DNAJC1: variants seen among roughly 807,000 people sequenced by gnomAD.
DNAJC1 encodes DnaJ heat shock protein family (Hsp40) member C1.
In DNAJC1, 58 loss-of-function variants were observed where a neutral mutation model predicts 76.6. That is an observed-to-expected ratio of 0.76 (90% CI 0.61 to 0.94). DNAJC1 has a LOEUF of 0.94. DNAJC1 is among the 40% of genes least tolerant of loss of function. DNAJC1 has a pLI of 0.00. For missense variants in DNAJC1, 689 were observed against 677.3 expected, an observed-to-expected ratio of 1.02 and a Z score of -0.19; for synonymous variants, 258 against 267.9, an observed-to-expected ratio of 0.96 and a Z score of 0.36.
Position 21,957,137 on chromosome 10 carries a change from G to A in DNAJC1, c.223-27996C>T, listed in dbSNP as rs573257813. On this transcript the variant is annotated intron_variant, in intron 1 of 11. Transcript: ENST00000376980. ...GAACTCCTGACCTCGTGATCCACCC[G>A]CCTCGGCCTCCCAAAGTGCTGGGAT... is the stretch of plus-strand genomic sequence containing the variant. Among the ~76,000 whole-genome samples, 180 of 151,998 alleles carry A rather than the reference G, an allele frequency of 1.2e-3. 2 individuals are homozygous for A. The highest frequency in any genetic ancestry group is 4.2e-3 in the African/African-American group (174 of 41,496).
At chr10:21,971,005 A>T (rs1188320596) in intron 1 of DNAJC1, among the ~76,000 whole-genome samples, 3 of 151,962 alleles carry the variant, frequency 2.0e-5, no homozygotes. Flanking sequence ...AGTCACCGCA[A>T]TCAAGCTAAT....
chr10:21,962,649 CTTTTTTT>C (rs775112321), intron 1 of DNAJC1, among the ~76,000 whole-genome samples: 5 of 131,952 alleles, frequency 3.8e-5, no homozygotes, highest in Non-Finnish European at 8.3e-5. Context: ...TTTTCTTTTT[CTTTTTTT>C]TTTTTTTTGT....
rs1033192334 is a variant in DNAJC1, at chr10:22,003,659, C to T, written c.-225G>A. 13 of 437,000 alleles carry T rather than the reference C, an allele frequency of 3.0e-5. No individual in the cohort carries two copies. Among genetic ancestry groups the T allele is most frequent in the Admixed American group, 9.2e-5 (2 of 21,786 alleles). The allele number at this position is 437,000 out of a possible 1,614,324, so 27.1% of individuals were successfully genotyped here. On this transcript the variant is annotated 5_prime_UTR_variant, in exon 1 of 12. Transcript: ENST00000376980. ...GCGGGCGGGGCCGCAGCCAGCGCTACGTTCCGAAGACCCTCGCCCCCAGGC... is the reference window on the plus strand; with the variant it reads ...GCGGGCGGGGCCGCAGCCAGCGCTATGTTCCGAAGACCCTCGCCCCCAGGC...
At chr10:21,872,354 G>A (rs1309983605) in intron 8 of DNAJC1, among the ~76,000 whole-genome samples, 1 of 152,154 alleles carries the variant, frequency 6.6e-6, no homozygotes, top group African/African-American at 2.4e-5. Flanking sequence ...ACAGGCGTGA[G>A]CCACCGTGCC....
At chr10:22,000,990 T>C (rs902734888) in intron 1 of DNAJC1, among the ~76,000 whole-genome samples, 1 of 152,228 alleles carries the variant, frequency 6.6e-6, no homozygotes, top group South Asian at 2.1e-4. Flanking sequence ...GCTTACTCCC[T>C]AACTTCTCTC....
intron 1 of DNAJC1, among the ~76,000 whole-genome samples, chr10:21,951,221 G>A (rs1837589538): frequency 6.6e-6 from 1 of 152,046 alleles, no homozygotes; most frequent in African/African-American, 2.4e-5. Context: ...TAAGGAGGCT[G>A]AGGCAGGAGA....
chr10:21,945,846 T>G (rs1241625008), intron 1 of DNAJC1, among the ~76,000 whole-genome samples: 1 of 152,074 alleles, frequency 6.6e-6, no homozygotes, highest in Non-Finnish European at 1.5e-5. Context: ...GTTTGTACAA[T>G]TTTGCCCAGC....
At chr10:22,000,394 C>T (rs1838500007) in intron 1 of DNAJC1, among the ~76,000 whole-genome samples, 1 of 152,204 alleles carries the variant, frequency 6.6e-6, no homozygotes, top group African/African-American at 2.4e-5. Context: ...AAGCCGAAGT[C>T]CTTACAATGG....
At chr10:21,951,607 A>G (rs1837596261) in intron 1 of DNAJC1, among the ~76,000 whole-genome samples, 1 of 152,226 alleles carries the variant, frequency 6.6e-6, no homozygotes, top group South Asian at 2.1e-4. Flanking sequence ...AATGGAAAAT[A>G]TCAGTTTCCC....
chr10:21,955,419 T>C (rs541092963), intron 1 of DNAJC1, among the ~76,000 whole-genome samples: 3 of 152,294 alleles, frequency 2.0e-5, no homozygotes, highest in South Asian at 4.1e-4. Flanking sequence ...AGAAATTTCA[T>C]CAAAATTTTT....
At chr10:21,872,424 T>TA (rs1836119809) in intron 8 of DNAJC1, among the ~76,000 whole-genome samples, 1 of 152,236 alleles carries the variant, frequency 6.6e-6, no homozygotes, top group African/African-American at 2.4e-5. Context: ...TCTAAAGAAT[T>TA]AAATGAAAGT....
At chr10:21,928,982 C>T in intron 2 of DNAJC1, 58 bp downstream of exon 2, 2 of 1,031,860 alleles carry the variant, frequency 1.9e-6, no homozygotes, top group Non-Finnish European at 2.8e-6. Context: ...ATATTTCTAC[C>T]ATCGACATGT....
chr10:21,811,359 G>A (rs1200956790), intron 8 of DNAJC1, among the ~76,000 whole-genome samples: 1 of 152,122 alleles, frequency 6.6e-6, no homozygotes, highest in Non-Finnish European at 1.5e-5. Context: ...GCCCATATAT[G>A]TTGTTACTTG....
intron 9 of DNAJC1, among the ~76,000 whole-genome samples, chr10:21,769,527 T>C (rs1171357965): frequency 6.6e-6 from 1 of 152,180 alleles, no homozygotes; most frequent in East Asian, 1.9e-4. Flanking sequence ...CATAACCACC[T>C]TTTAAATCCA....
At chr10:21,805,507 A>G (rs1217663823) in intron 9 of DNAJC1, among the ~76,000 whole-genome samples, 1 of 151,362 alleles carries the variant, frequency 6.6e-6, no homozygotes, top group East Asian at 1.9e-4. Context: ...TTATCAAACG[A>G]ACTGTTGCTA....
chr10:21,938,741 T>C (rs191846574), intron 1 of DNAJC1, among the ~76,000 whole-genome samples: 1 of 152,236 alleles, frequency 6.6e-6, no homozygotes, highest in Non-Finnish European at 1.5e-5. Flanking sequence ...ACTCATTCTA[T>C]TTATACAGTG....
chr10:21,831,575 G>C (rs967770125), intron 8 of DNAJC1, among the ~76,000 whole-genome samples: 4 of 152,134 alleles, frequency 2.6e-5, no homozygotes, highest in African/African-American at 9.7e-5. Context: ...TGGATCACGA[G>C]GTCAGGAGAT....
In DNAJC1 at chr10:22,003,234, G is replaced by A. The variant is rs779160689; in HGVS notation, c.201C>T (p.Tyr67=). Residue 67 remains tyrosine, a synonymous_variant, in exon 1 of 12, where the codon TAC becomes TAT. Coordinates refer to ENST00000376980, the MANE Select transcript of DNAJC1 (RefSeq NM_022365.4). ...DLVEEVQLNF[Y]QFLGVQQDAS... The stretch of plus-strand genomic sequence containing the variant: ...TTACCTGCTGCACCCCGAGGAACTG[G>A]TAGAAGTTGAGCTGCACCTCCTCCA... 1 of 1,569,794 alleles carries A rather than the reference G, an allele frequency of 6.4e-7. No homozygotes were observed. Among genetic ancestry groups the A allele is most frequent in the Admixed American group, 1.8e-5 (1 of 55,442 alleles).
intron 1 of DNAJC1, among the ~76,000 whole-genome samples, chr10:21,943,057 A>C (rs984081657): frequency 1.3e-5 from 2 of 152,114 alleles, no homozygotes; most frequent in Non-Finnish European, 2.9e-5. Flanking sequence ...GACAGAAATA[A>C]AAGTTTAAAT....
Sources: allele counts gnomAD v4.1 joint callset (sites outside exome capture counted in the v4.1 genomes callset), GRCh38; gene constraint gnomAD v4.1.1; transcripts MANE v1.5; gene names NCBI Gene and HGNC (gene_info 2026-07-23, HGNC 2026-07-21).